Variants in GPC5 observed in about 807,000 individuals in gnomAD.
The protein encoded by GPC5 is glypican 5.
Under a neutral mutation model 53.9 loss-of-function variants are expected in GPC5, and 47 were observed. The observed-to-expected ratio is 0.87, with a 90% CI of 0.69 to 1.11. The LOEUF is 1.11. Ranked by LOEUF, GPC5 falls within the 50% of genes most tolerant of loss-of-function variation. The probability of loss-of-function intolerance (pLI) is 0.00; values close to 1 mark genes in which losing one functional copy is unlikely to be tolerated. For missense variants in GPC5, 748 were observed against 713.1 expected (o/e 1.05, Z -0.56); for synonymous variants, 286 against 263.3 (o/e 1.09, Z -0.84).
chr13:92,384,154 C>T (rs1205292217), intron 7 of GPC5, among the ~76,000 whole-genome samples: 1 of 145,934 alleles, frequency 6.9e-6, no homozygotes, highest in Non-Finnish European at 1.5e-5. Context: ...AGGTTATTTT[C>T]GTTGCTATCT....
intron 7 of GPC5, among the ~76,000 whole-genome samples, chr13:92,179,734 T>C (rs948668447): frequency 2.0e-5 from 3 of 152,244 alleles, no homozygotes; most frequent in East Asian, 1.9e-4. Context: ...AGTTTCATTA[T>C]ATGCTTTTAA....
chr13:92,419,876 C>T (rs1250427791), intron 7 of GPC5, among the ~76,000 whole-genome samples: 5 of 152,096 alleles, frequency 3.3e-5, no homozygotes, highest in Non-Finnish European at 5.9e-5. Flanking sequence ...AGTCATGGCT[C>T]CTTTAAAAGC....
chr13:91,450,650 G>A (rs903051319), intron 2 of GPC5, among the ~76,000 whole-genome samples: 3 of 152,100 alleles, frequency 2.0e-5, no homozygotes, highest in Non-Finnish European at 4.4e-5. Flanking sequence ...CTATTGAAGT[G>A]TCAGCTAATT....
At chr13:92,156,266 G>T (rs1429922684) in intron 7 of GPC5, among the ~76,000 whole-genome samples, 1 of 152,010 alleles carries the variant, frequency 6.6e-6, no homozygotes, top group Non-Finnish European at 1.5e-5. Context: ...AAGAAAACTT[G>T]GCAGATTTTA....
intron 3 of GPC5, among the ~76,000 whole-genome samples, chr13:91,718,849 A>G (rs893896139): frequency 6.6e-6 from 1 of 152,150 alleles, no homozygotes; most frequent in African/African-American, 2.4e-5. Flanking sequence ...TCTTTGGCAC[A>G]TACTTTGTAC....
intron 2 of GPC5, among the ~76,000 whole-genome samples, chr13:91,483,222 C>T (rs1344541559): frequency 6.6e-6 from 1 of 152,114 alleles, no homozygotes. Flanking sequence ...ACGAGTTTTC[C>T]TCAATACCTG....
chr13:92,213,316 G>T (rs544019472), intron 7 of GPC5, among the ~76,000 whole-genome samples: 18 of 152,002 alleles, frequency 1.2e-4, no homozygotes, highest in Non-Finnish European at 2.5e-4. Flanking sequence ...TTTTTTAATG[G>T]AAAACTTGGG....
intron 6 of GPC5, among the ~76,000 whole-genome samples, chr13:92,070,743 G>C (rs980733440): frequency 6.6e-6 from 1 of 151,904 alleles, no homozygotes; most frequent in Non-Finnish European, 1.5e-5. Context: ...CTTTCATTCT[G>C]TCAAATACTT....
chr13:92,269,980 T>C (rs987822612), intron 7 of GPC5, among the ~76,000 whole-genome samples: 2 of 152,094 alleles, frequency 1.3e-5, no homozygotes, highest in Non-Finnish European at 2.9e-5. Flanking sequence ...CTCCGAGTGA[T>C]TTTGTCATGT....
chr13:92,638,540 T>A (rs1885485895), intron 7 of GPC5, among the ~76,000 whole-genome samples: 1 of 147,970 alleles, frequency 6.8e-6, no homozygotes, highest in Admixed American at 6.8e-5. Flanking sequence ...CCATCCCAAG[T>A]CAGCTTCCTG....
At chr13:92,050,908 ACT>A (rs2041022385) in intron 6 of GPC5, among the ~76,000 whole-genome samples, 2 of 152,298 alleles carry the variant, frequency 1.3e-5, no homozygotes, top group South Asian at 2.1e-4. Flanking sequence ...GCTTAATTGG[ACT>A]CTCTGAAGTA....
At chr13:91,690,107 A>G (rs2035725049) in intron 2 of GPC5, among the ~76,000 whole-genome samples, 1 of 152,194 alleles carries the variant, frequency 6.6e-6, no homozygotes, top group Non-Finnish European at 1.5e-5. Context: ...CTCCATTATA[A>G]TCTTATGGGA....
chr13:92,609,528 G>A (rs1333627342), intron 7 of GPC5, among the ~76,000 whole-genome samples: 1 of 152,102 alleles, frequency 6.6e-6, no homozygotes, highest in Non-Finnish European at 1.5e-5. Context: ...GCAAAAAATA[G>A]AGTGCTTTGT....
chr13:91,754,797 G>A (rs1244253580), intron 4 of GPC5, among the ~76,000 whole-genome samples: 1 of 152,056 alleles, frequency 6.6e-6, no homozygotes, highest in Non-Finnish European at 1.5e-5. Context: ...CAGAGGAAAC[G>A]GACTTAAAGT....
intron 5 of GPC5, among the ~76,000 whole-genome samples, chr13:91,811,469 A>T (rs1594585248): frequency 1.3e-5 from 2 of 152,120 alleles, no homozygotes; most frequent in East Asian, 3.8e-4. Context: ...ACAGCACATT[A>T]ACAGAAATAA....
chr13:92,642,238 T>C (rs184315439), intron 7 of GPC5, among the ~76,000 whole-genome samples: 176 of 152,270 alleles, frequency 1.2e-3, no homozygotes, highest in African/African-American at 4.1e-3. Flanking sequence ...TAAAAAAAAC[T>C]AGTGAAATTT....
chr13:91,556,608 CAT>C (rs1290019989), intron 2 of GPC5, among the ~76,000 whole-genome samples: 4 of 151,198 alleles, frequency 2.6e-5, no homozygotes, highest in Non-Finnish European at 5.9e-5. Flanking sequence ...TATACACACA[CAT>C]ATATACACAC....
At chr13:91,542,747 G>T (rs1269189141) in intron 2 of GPC5, among the ~76,000 whole-genome samples, 1 of 151,684 alleles carries the variant, frequency 6.6e-6, no homozygotes. Flanking sequence ...GCAATGGCGC[G>T]ATCTCAGCTC....
chr13:92,468,037 C>CT (rs957528438), intron 7 of GPC5, among the ~76,000 whole-genome samples: 5 of 151,950 alleles, frequency 3.3e-5, no homozygotes, highest in South Asian at 4.2e-4. Flanking sequence ...ACTTTCCCAC[C>CT]TTTTTTTTCT....
Sources: allele counts gnomAD v4.1 joint callset (sites outside exome capture counted in the v4.1 genomes callset), GRCh38; gene constraint gnomAD v4.1.1; transcripts MANE v1.5; gene names NCBI Gene and HGNC (gene_info 2026-07-23, HGNC 2026-07-21).